The following KIF15 variants were observed in gnomAD, a reference collection of about 807,000 sequenced individuals.
The protein encoded by KIF15 is kinesin family member 15, also known as kinesin-like protein KIF15.
KIF15 carries 140 observed loss-of-function variants against 190.6 expected under a neutral mutation model. The ratio of observed to expected loss-of-function variants is 0.73; its 90% CI spans 0.64 to 0.84. The LOEUF is 0.84. KIF15 is among the 40% of genes least tolerant of loss of function. The pLI is 0.00. For missense variants in KIF15, 1,372 were observed against 1,584.4 expected, an observed-to-expected ratio of 0.87 and a Z score of 2.28; for synonymous variants, 528 against 551.3, an observed-to-expected ratio of 0.96 and a Z score of 0.59.
intron 4 of KIF15, 111 bp downstream of exon 4, chr3:44,778,302 T>C (rs949238811): frequency 3.5e-6 from 3 of 862,890 alleles, no homozygotes; most frequent in East Asian, 4.9e-5. Flanking sequence ...AAATGTATTA[T>C]GTTACAGTTC....
intron 28 of KIF15, among the ~76,000 whole-genome samples, chr3:44,840,728 G>A (rs1410637606): frequency 7.1e-6 from 1 of 141,474 alleles, no homozygotes; most frequent in Non-Finnish European, 1.5e-5. Context: ...GAGTGCAGTG[G>A]CATGATCTCG....
chr3:44,784,285 C>T (rs924382660), intron 5 of KIF15, among the ~76,000 whole-genome samples: 4 of 152,160 alleles, frequency 2.6e-5, no homozygotes, highest in East Asian at 1.9e-4. Flanking sequence ...CATTCTCCTG[C>T]CTCAGCCTCT....
intron 32 of KIF15, among the ~76,000 whole-genome samples, chr3:44,850,963 T>C (rs1305158370): frequency 6.6e-6 from 1 of 152,158 alleles, no homozygotes; most frequent in East Asian, 1.9e-4. Flanking sequence ...TTCATGAGCA[T>C]TATAAAATAA....
At chr3:44,781,183 G>A (rs7634877) in intron 5 of KIF15, among the ~76,000 whole-genome samples, 6,068 of 152,188 alleles carry the variant, frequency 0.04, 166 homozygotes, top group Non-Finnish European at 0.055. Flanking sequence ...TAATGAATTC[G>A]TATATGTTTA....
intron 6 of KIF15, chr3:44,862,768 A>AG (rs1314795410): frequency 3.3e-5 from 5 of 151,860 alleles, no homozygotes; most frequent in African/African-American, 9.7e-5. Flanking sequence ...TGCTTGCTAT[A>AG]GGGGTTTCAT....
At chr3:44,780,040 A>G (rs1706093495) in intron 4 of KIF15, among the ~76,000 whole-genome samples, 1 of 148,754 alleles carries the variant, frequency 6.7e-6, no homozygotes, top group Non-Finnish European at 1.5e-5. Flanking sequence ...GTCTTTTGAT[A>G]TCTTGATTAA....
chr3:44,848,873 C>T (rs990765667), intron 32 of KIF15, among the ~76,000 whole-genome samples: 7 of 152,156 alleles, frequency 4.6e-5, no homozygotes, highest in Non-Finnish European at 1.0e-4. Flanking sequence ...TTCTGGTTTC[C>T]TCTGATTTAA....
At chr3:44,827,153 C>A (rs1323793818) in intron 22 of KIF15, 1 of 401,482 alleles carries the variant, frequency 2.5e-6, no homozygotes, top group East Asian at 6.2e-5. Context: ...AACAAAACAT[C>A]CCTGTCCTCG....
intron 24 of KIF15, among the ~76,000 whole-genome samples, chr3:44,828,713 T>C (rs1697809930): frequency 6.6e-6 from 1 of 152,260 alleles, no homozygotes; most frequent in Non-Finnish European, 1.5e-5. Flanking sequence ...CTAGCTCATA[T>C]ACATTCATAA....
intron 17 of KIF15, 21 bp downstream of exon 17, chr3:44,811,064 A>AC (rs1707763411): frequency 6.5e-6 from 10 of 1,543,462 alleles, no homozygotes; most frequent in Non-Finnish European, 8.8e-6. Context: ...GTTCTAGAAA[A>AC]AATAAATAAC....
rs1406741547 is a variant in KIF15, at chr3:44,827,186, G to A, written c.2787-273G>A. Reference sequence around the variant, plus strand: ...TCGTGGATTTTAACTTCTAGCACAGGGAGACAGGTAATAAACAAATACTAT... The same window carrying A: ...TCGTGGATTTTAACTTCTAGCACAGAGAGACAGGTAATAAACAAATACTAT... On this transcript the variant is annotated intron_variant, in intron 22 of 34. Transcript: ENST00000326047. The A allele has an allele frequency of 1.0e-5, 4 of 396,264 alleles. No homozygotes were observed. The East Asian group carries it at 2.2e-4, about 21-fold the overall frequency. 24.5% of individuals were successfully genotyped at this position (396,264 alleles called of 1,614,324 possible).
intron 17 of KIF15, among the ~76,000 whole-genome samples, chr3:44,811,537 C>T (rs538411290): frequency 4.0e-5 from 6 of 151,754 alleles, no homozygotes; most frequent in South Asian, 4.2e-4. Context: ...CCCAGCTACT[C>T]GGGAGGCTGA....
intron 33 of KIF15, 95 bp from the exon 34 acceptor site, chr3:44,852,113 C>T (rs1244118640): frequency 1.4e-6 from 2 of 1,481,456 alleles, no homozygotes; most frequent in Non-Finnish European, 1.8e-6. Context: ...GACTCTCTGA[C>T]TTCCTGTGCT....
chr3:44,821,068 C>T (rs1204857841), intron 20 of KIF15, among the ~76,000 whole-genome samples: 4 of 143,688 alleles, frequency 2.8e-5, no homozygotes, highest in East Asian at 2.1e-4. Flanking sequence ...GGCGGCAGGC[C>T]GGGTGGCGGG....
At chr3:44,834,715 G>A (rs1487974435) in intron 26 of KIF15, among the ~76,000 whole-genome samples, 1 of 151,410 alleles carries the variant, frequency 6.6e-6, no homozygotes, top group Admixed American at 6.6e-5. Context: ...ACAAGGTCAG[G>A]AGATCGAGAC....
In KIF15 at chr3:44,828,255, T is replaced by C. The variant is rs199991337; in HGVS notation, c.2898T>C (p.Thr966=). Residue 966 remains threonine, a synonymous_variant, in exon 24 of 35, where the codon ACT becomes ACC. Transcript: ENST00000326047. The part of the protein sequence containing the change: ...VQKLEESLLA[T]EKVISSLEKS... Reference sequence around the variant, plus strand: ...AACTAGAAGAGAGCTTGCTTGCTACTGAAAAAGTGATCAGTTCCCTGGAAA... The same window carrying C: ...AACTAGAAGAGAGCTTGCTTGCTACCGAAAAAGTGATCAGTTCCCTGGAAA... 6.2e-7 allele frequency: 1 copy of C among 1,613,744 alleles called. No individual in the cohort carries two copies. Among genetic ancestry groups the C allele is most frequent in the East Asian group, 2.2e-5 (1 of 44,852 alleles).
intron 1 of KIF15, among the ~76,000 whole-genome samples, chr3:44,767,289 A>G (rs1170102039): frequency 2.6e-5 from 4 of 152,182 alleles, no homozygotes; most frequent in Admixed American, 6.5e-5. Context: ...TAATAACACA[A>G]TAAAGAGATA....
At chr3:44,782,199 C>T (rs1161581776) in intron 5 of KIF15, among the ~76,000 whole-genome samples, 1 of 151,986 alleles carries the variant, frequency 6.6e-6, no homozygotes, top group East Asian at 1.9e-4. Context: ...TGCAGGCATG[C>T]GCCACCACAC....
chr3:44,844,093 A>G (rs1298487993), intron 30 of KIF15, among the ~76,000 whole-genome samples: 1 of 152,222 alleles, frequency 6.6e-6, no homozygotes, highest in Non-Finnish European at 1.5e-5. Context: ...TCTCCGAGAT[A>G]GAAGCCCTTA....
Sources: gnomAD v4.1 joint callset for allele counts (sites outside exome capture counted in the v4.1 genomes callset) on GRCh38, gnomAD v4.1.1 for gene constraint, MANE v1.5 for transcripts, NCBI Gene and HGNC (gene_info 2026-07-23, HGNC 2026-07-21) for gene names.